The following ZDHHC14 variants were observed in gnomAD, a reference collection of about 807,000 sequenced individuals.
ZDHHC14 encodes palmitoyltransferase ZDHHC14.
In ZDHHC14, 16 loss-of-function variants were observed where a neutral mutation model predicts 47.7. The ratio of observed to expected loss-of-function variants is 0.34; its 90% CI spans 0.23 to 0.51. ZDHHC14 has a LOEUF of 0.51. Among genes scored for constraint, ZDHHC14 ranks in the 20% least tolerant of loss-of-function variants. The pLI is 0.97. For synonymous variants in ZDHHC14, 293 were observed against 278.9 expected (o/e 1.05, Z -0.50); for missense variants, 515 against 662.5 (o/e 0.78, Z 2.44).
At chr6:157,386,377 A>T (rs2114730335) in intron 1 of ZDHHC14, among the ~76,000 whole-genome samples, 1 of 152,276 alleles carries the variant, frequency 6.6e-6, no homozygotes, top group Non-Finnish European at 1.5e-5. Context: ...TATACAAATA[A>T]AATAAGCACC....
chr6:157,503,033 G>A (rs2114740046), intron 1 of ZDHHC14, among the ~76,000 whole-genome samples: 1 of 152,316 alleles, frequency 6.6e-6, no homozygotes, highest in East Asian at 1.9e-4. Flanking sequence ...GGATGCTCTT[G>A]GTTGAAGTAG....
chr6:157,669,117 G>A (rs1288503788), intron 8 of ZDHHC14, among the ~76,000 whole-genome samples: 2 of 152,194 alleles, frequency 1.3e-5, no homozygotes, highest in South Asian at 2.1e-4. Flanking sequence ...GGAAGTCTCC[G>A]AAGGTGCACC....
intron 1 of ZDHHC14, among the ~76,000 whole-genome samples, chr6:157,493,191 G>A (rs144036306): frequency 0.016 from 2,427 of 152,350 alleles, 28 homozygotes; most frequent in Admixed American, 0.028. Context: ...GTCTAGGGAA[G>A]AGCTGATGGA....
At chr6:157,495,948 G>A (rs1375258470) in intron 1 of ZDHHC14, among the ~76,000 whole-genome samples, 2 of 152,002 alleles carry the variant, frequency 1.3e-5, no homozygotes, top group African/African-American at 2.4e-5. Flanking sequence ...CAAGTGATCC[G>A]GCTGCCTCGG....
chr6:157,546,575 C>G lies in ZDHHC14; in HGVS notation c.406+3830C>G, dbSNP rs145025639. Among the ~76,000 whole-genome samples, 408 of 152,228 alleles carry G rather than the reference C, an allele frequency of 2.7e-3. 3 individuals are homozygous for G. The highest frequency in any genetic ancestry group is 9.3e-3 in the African/African-American group (385 of 41,536). On this transcript the variant is annotated intron_variant, in intron 2 of 8. Transcript: ENST00000359775. ...TCTTCTGAAAGAATGTTCCCGATGA[C>G]TTAGGGTGCAGCTAAAAAGACATCA...
intron 1 of ZDHHC14, among the ~76,000 whole-genome samples, chr6:157,493,396 T>C (rs1779977425): frequency 6.6e-6 from 1 of 152,174 alleles, no homozygotes; most frequent in Non-Finnish European, 1.5e-5. Context: ...GTCAGCCCTG[T>C]TGGTGAGGGC....
chr6:157,668,584 C>T (rs1396011063), intron 8 of ZDHHC14, among the ~76,000 whole-genome samples: 1 of 151,320 alleles, frequency 6.6e-6, no homozygotes, highest in Non-Finnish European at 1.5e-5. Context: ...CCTGTAGTCC[C>T]AGCTACTCAG....
chr6:157,417,920 C>G (rs2114766022), intron 1 of ZDHHC14, among the ~76,000 whole-genome samples: 1 of 150,542 alleles, frequency 6.6e-6, no homozygotes, highest in East Asian at 1.9e-4. Flanking sequence ...TGCCACTGCA[C>G]TCCAGCCTGG....
chr6:157,484,318 C>CAT (rs749902623), intron 1 of ZDHHC14, among the ~76,000 whole-genome samples: 38,493 of 133,292 alleles, frequency 0.29, 5,997 homozygotes, highest in East Asian at 0.4. Context: ...TATATATACA[C>CAT]ATATATATAC....
intron 1 of ZDHHC14, among the ~76,000 whole-genome samples, chr6:157,540,878 A>ATATG (rs1208368154): frequency 2.2e-5 from 3 of 133,524 alleles, no homozygotes; most frequent in African/African-American, 9.8e-5. Flanking sequence ...ATATAGATAT[A>ATATG]TATGTATGTA....
chr6:157,424,642 T>TG (rs1374102459), intron 1 of ZDHHC14, among the ~76,000 whole-genome samples: 5 of 152,164 alleles, frequency 3.3e-5, no homozygotes, highest in African/African-American at 4.8e-5. Context: ...GAAATCTGTC[T>TG]GGGGGCCCAG....
intron 4 of ZDHHC14, 107 bp downstream of exon 4, chr6:157,628,593 CCTTT>C: frequency 7.0e-7 from 1 of 1,430,226 alleles, no homozygotes. Flanking sequence ...TTTCTCTTTC[CCTTT>C]CTTTCTCCCT....
intron 1 of ZDHHC14, among the ~76,000 whole-genome samples, chr6:157,494,262 C>T (rs1780001962): frequency 6.6e-6 from 1 of 152,184 alleles, no homozygotes; most frequent in African/African-American, 2.4e-5. Context: ...GCTGGGCCCT[C>T]CCTGGGAACT....
intron 1 of ZDHHC14, among the ~76,000 whole-genome samples, chr6:157,462,521 C>T (rs1355990521): frequency 6.6e-6 from 1 of 152,224 alleles, no homozygotes; most frequent in East Asian, 1.9e-4. Context: ...GCCTTGTTTT[C>T]AGAGCTTCTG....
At chr6:157,498,898 G>A (rs1381839345) in intron 1 of ZDHHC14, among the ~76,000 whole-genome samples, 9 of 152,168 alleles carry the variant, frequency 5.9e-5, no homozygotes, top group African/African-American at 1.9e-4. Context: ...GAGTTCAGTG[G>A]TTGTTATGCT....
chr6:157,648,688 G>A (rs1261363484), intron 7 of ZDHHC14, among the ~76,000 whole-genome samples: 6 of 152,214 alleles, frequency 3.9e-5, no homozygotes. Flanking sequence ...GACCACAGGG[G>A]TCAGACATGC....
intron 1 of ZDHHC14, among the ~76,000 whole-genome samples, chr6:157,424,949 A>G (rs957573431): frequency 6.6e-6 from 1 of 152,002 alleles, no homozygotes; most frequent in Non-Finnish European, 1.5e-5. Flanking sequence ...TCTTCAGTCC[A>G]TAGCCAGCCA....
intron 1 of ZDHHC14, among the ~76,000 whole-genome samples, chr6:157,457,422 T>C (rs1778947032): frequency 6.6e-6 from 1 of 152,146 alleles, no homozygotes; most frequent in African/African-American, 2.4e-5. Context: ...AACTGGAAAT[T>C]TGCTCTAAGA....
chr6:157,484,314 TACAC>T (rs1352438289), intron 1 of ZDHHC14, among the ~76,000 whole-genome samples: 1 of 104,096 alleles, frequency 9.6e-6, no homozygotes, highest in Non-Finnish European at 2.1e-5. Flanking sequence ...TACATATATA[TACAC>T]ATATATATAC....
Sources: allele counts gnomAD v4.1 joint callset (sites outside exome capture counted in the v4.1 genomes callset), GRCh38; gene constraint gnomAD v4.1.1; transcripts MANE v1.5; gene names NCBI Gene and HGNC (gene_info 2026-07-23, HGNC 2026-07-21).